Variants in CHID1 observed in about 807,000 individuals in gnomAD.
The protein encoded by CHID1 is chitinase domain containing 1, also known as chitinase domain-containing protein 1.
In CHID1, 44 loss-of-function variants were observed where a neutral mutation model predicts 55.4. That is an observed-to-expected ratio of 0.79 (90% CI 0.62 to 1.02). The LOEUF (loss-of-function observed/expected upper bound fraction) is 1.02, where lower values mean the gene tolerates loss of function less well. Among genes scored for constraint, CHID1 ranks in the 50% least tolerant of loss-of-function variants. The pLI, the probability that CHID1 is intolerant of heterozygous loss-of-function variation, is 0.00. For synonymous variants in CHID1, 216 were observed against 212.9 expected (o/e 1.01, Z -0.13); for missense variants, 491 against 515.3 (o/e 0.95, Z 0.46).
chr11:879,089 G>A (rs1163143145), intron 10 of CHID1, among the ~76,000 whole-genome samples: 3 of 152,150 alleles, frequency 2.0e-5, no homozygotes, highest in African/African-American at 2.4e-5. Flanking sequence ...CTTGTGATCC[G>A]CCCACCTCGG....
intron 8 of CHID1, among the ~76,000 whole-genome samples, chr11:891,361 C>G (rs1390790055): frequency 1.3e-5 from 2 of 152,218 alleles, no homozygotes; most frequent in Non-Finnish European, 2.9e-5. Context: ...GCATCCCACC[C>G]TACAGCTGCA....
chr11:890,491 A>G (rs958559477), intron 8 of CHID1, among the ~76,000 whole-genome samples: 2 of 152,158 alleles, frequency 1.3e-5, no homozygotes, highest in Non-Finnish European at 2.9e-5. Flanking sequence ...CACTGACAAC[A>G]AGGCCGGCAA....
intron 10 of CHID1, chr11:870,752 T>C: frequency 4.3e-6 from 2 of 462,564 alleles, no homozygotes; most frequent in Non-Finnish European, 4.0e-6. Context: ...GTCCTTTCAG[T>C]GGCCTGGAGA....
chr11:889,019 C>T (rs1467114284), intron 8 of CHID1, among the ~76,000 whole-genome samples: 1 of 152,228 alleles, frequency 6.6e-6, no homozygotes, highest in African/African-American at 2.4e-5. Flanking sequence ...AGACAGGCCG[C>T]TCTGTGCCCC....
intron 1 of CHID1, among the ~76,000 whole-genome samples, chr11:906,969 G>A (rs1052612857): frequency 5.3e-5 from 8 of 152,100 alleles, no homozygotes; most frequent in African/African-American, 1.7e-4. Context: ...CAGAGGTTGC[G>A]GTAAGCCGAG....
At position 868,928 on chromosome 11, in the gene CHID1, A is replaced by C. The variant is rs568832567; in HGVS notation, c.*930T>G. On this transcript the variant is annotated 3_prime_UTR_variant, in exon 13 of 13. Transcript: ENST00000323578. ...CTACTGCCCACCTCAGCCCTGTGGG[A>C]CCCAGTGGTGAGGAGGGGAGTCCTC... The C allele has an allele frequency of 6.6e-6, 1 of 151,964 alleles. No homozygotes were observed. Among genetic ancestry groups the C allele is most frequent in the South Asian group, 2.1e-4 (1 of 4,804 alleles). 9.4% of individuals were successfully genotyped at this position (151,964 alleles called of 1,614,324 possible). A position where few individuals can be genotyped will look rare whatever the true frequency, so the allele number is the denominator to read the frequency against.
chr11:901,931 C>CA (rs1316602453), intron 4 of CHID1, among the ~76,000 whole-genome samples: 23 of 3,094 alleles, frequency 7.4e-3, no homozygotes, highest in African/African-American at 7.8e-3. Flanking sequence ...ACAGTCACCA[C>CA]ACTCAACACT....
chr11:883,797 G>T (rs1401588528), intron 9 of CHID1, among the ~76,000 whole-genome samples: 1 of 152,242 alleles, frequency 6.6e-6, no homozygotes, highest in Admixed American at 6.5e-5. Flanking sequence ...AGGACAGGGC[G>T]GCATCGGGCA....
At chr11:915,129 C>G (rs985865694), upstream of CHID1, 1 of 152,864 alleles carries the variant, frequency 6.5e-6, no homozygotes, top group Non-Finnish European at 1.5e-5. Context: ...ATAAGCAAAT[C>G]CAGGGCAAGC....
intron 8 of CHID1, 24 bp from the exon 9 acceptor site, chr11:884,193 C>T (rs61869682): frequency 0.11 from 167,184 of 1,591,276 alleles, 9,380 homozygotes; most frequent in Middle Eastern, 0.14. Flanking sequence ...GTGCAGCCAC[C>T]TCAGGCTGCT....
At chr11:913,738 A>G (rs1277332026), upstream of CHID1, among the ~76,000 whole-genome samples, 2 of 149,136 alleles carry the variant, frequency 1.3e-5, no homozygotes, top group South Asian at 2.1e-4. Context: ...GAGCCACTGC[A>G]CTCCAGCCTG....
chr11:899,342 G>A lies in CHID1; in HGVS notation c.606C>T (p.Arg202=), dbSNP rs376910476. 164 of 1,600,392 alleles carry A rather than the reference G, an allele frequency of 1.0e-4. No homozygotes were observed. The highest frequency in any genetic ancestry group is 1.3e-4 in the Non-Finnish European group (152 of 1,173,474). Residue 202 remains arginine, a splice_region_variant and synonymous_variant, in exon 7 of 13, where the codon CGC becomes CGT. Coordinates refer to ENST00000323578, the MANE Select transcript of CHID1 (RefSeq NM_023947.4). ...CACCACCACCTGTGCCCACTCACAC[G>A]CGCTTCTGGCTTAGCAGCTGGTTCC... is the stretch of plus-strand genomic sequence containing the variant. ...EVWNQLLSQK[R]VGLIHMLTHL...
At chr11:890,207 G>A (rs866654967) in intron 8 of CHID1, among the ~76,000 whole-genome samples, 5 of 152,328 alleles carry the variant, frequency 3.3e-5, no homozygotes, top group Middle Eastern at 3.4e-3. Context: ...CGTCCACACC[G>A]CACGGGGTGC....
At chr11:885,715 C>T (rs1243793719) in intron 8 of CHID1, among the ~76,000 whole-genome samples, 1 of 152,192 alleles carries the variant, frequency 6.6e-6, no homozygotes, top group Non-Finnish European at 1.5e-5. Context: ...GGTCCTCTCA[C>T]CGAAACCCAA....
At chr11:905,807 T>G (rs1162400585) in intron 1 of CHID1, among the ~76,000 whole-genome samples, 1 of 152,188 alleles carries the variant, frequency 6.6e-6, no homozygotes, top group Non-Finnish European at 1.5e-5. Flanking sequence ...CTTTTCCAGC[T>G]ATATGAGCAA....
rs1448510038 is a variant in CHID1 at position 869,486 on chromosome 11, C to T, written c.*372G>A. 4 of 292,670 alleles carry T rather than the reference C, an allele frequency of 1.4e-5. No individual in the cohort carries two copies. Among genetic ancestry groups the T allele is most frequent in the African/African-American group, 2.2e-5 (1 of 46,134 alleles). 18.1% of individuals were successfully genotyped at this position (292,670 alleles called of 1,614,324 possible). On this transcript the variant is annotated 3_prime_UTR_variant, in exon 13 of 13. Coordinates refer to ENST00000323578, the MANE Select transcript of CHID1 (RefSeq NM_023947.4). The stretch of plus-strand genomic sequence containing the variant: ...GAGGGCCCTCGAATCCAGGAGTGGG[C>T]GAGTCCGGGATGGTTCCAGAGCTTC...
intron 10 of CHID1, among the ~76,000 whole-genome samples, chr11:876,248 G>A (rs961825409): frequency 1.3e-5 from 2 of 152,168 alleles, no homozygotes; most frequent in African/African-American, 2.4e-5. Flanking sequence ...CCCACAACGG[G>A]TGGCCCATCT....
chr11:910,942 G>T, upstream of CHID1: 1 of 386,180 alleles, frequency 2.6e-6, no homozygotes, highest in Non-Finnish European at 3.5e-6. Context: ...GAAAGTCGGG[G>T]CCGGGGCCGG....
chr11:870,813 G>A lies in CHID1; in HGVS notation c.960-314C>T, dbSNP rs184303758. ...AGCCTGAGGGTGACCCTCAGGCCGC[G>A]CAGCGGCTGCTGGACAGGGCTCCTC... On this transcript the variant is annotated intron_variant, in intron 10 of 12. Coordinates refer to ENST00000323578, the MANE Select transcript of CHID1 (RefSeq NM_023947.4). The A allele has an allele frequency of 2.2e-3, 682 of 306,516 alleles. 1 individual carries two copies. The highest frequency in any genetic ancestry group is 3.6e-3 in the Admixed American group (82 of 23,054). The allele number at this position is 306,516 out of a possible 1,614,324, so 19.0% of individuals were successfully genotyped here.
Sources: gnomAD v4.1 joint callset for allele counts (sites outside exome capture counted in the v4.1 genomes callset) on GRCh38, gnomAD v4.1.1 for gene constraint, MANE v1.5 for transcripts, NCBI Gene and HGNC (gene_info 2026-07-23, HGNC 2026-07-21) for gene names.